DPP6: variants seen among roughly 807,000 people sequenced by gnomAD.
DPP6 encodes the protein dipeptidyl peptidase like 6.
In DPP6, 69 loss-of-function variants were observed where a neutral mutation model predicts 122.6. The observed-to-expected ratio is 0.56, with a 90% CI of 0.46 to 0.69. The LOEUF is 0.69. Ranked by LOEUF, DPP6 falls within the 30% of genes least tolerant of loss-of-function variation. The probability of loss-of-function intolerance (pLI) is 0.00; values close to 1 mark genes in which losing one functional copy is unlikely to be tolerated. For synonymous variants in DPP6, 418 were observed against 433.1 expected (o/e 0.97, Z 0.43); for missense variants, 928 against 1,116.9 (o/e 0.83, Z 2.41).
intron 1 of DPP6, among the ~76,000 whole-genome samples, chr7:154,340,973 AGTTTTTTC>A (rs1809874630): frequency 6.6e-6 from 1 of 152,138 alleles, no homozygotes; most frequent in Non-Finnish European, 1.5e-5. Context: ...TAGTATTTGT[AGTTTTTTC>A]AGCATATATA....
intron 16 of DPP6, among the ~76,000 whole-genome samples, chr7:154,832,577 C>T (rs1800715831): frequency 6.6e-6 from 1 of 152,304 alleles, no homozygotes; most frequent in East Asian, 1.9e-4. Flanking sequence ...CGAGGGCACA[C>T]AGCTGATCAG....
intron 1 of DPP6, among the ~76,000 whole-genome samples, chr7:154,441,559 G>A (rs908593962): frequency 4.6e-5 from 7 of 152,144 alleles, no homozygotes; most frequent in African/African-American, 1.7e-4. Flanking sequence ...CACAAAGTCT[G>A]ATAAAGGTAG....
chr7:154,540,975 A>T (rs759052752), intron 4 of DPP6, among the ~76,000 whole-genome samples: 6 of 152,196 alleles, frequency 3.9e-5, no homozygotes, highest in Non-Finnish European at 8.8e-5. Flanking sequence ...AATCCTGTTT[A>T]AAAAAAGCTC....
chr7:154,335,409 C>T (rs1353989666), intron 1 of DPP6, among the ~76,000 whole-genome samples: 1 of 152,186 alleles, frequency 6.6e-6, no homozygotes, highest in African/African-American at 2.4e-5. Flanking sequence ...TGATATTTTG[C>T]CACTTATGGG....
intron 1 of DPP6, among the ~76,000 whole-genome samples, chr7:153,942,980 G>A (rs987948828): frequency 1.3e-5 from 2 of 152,108 alleles, no homozygotes; most frequent in African/African-American, 4.8e-5. Flanking sequence ...GATGCTAATG[G>A]TCAGCTGGCC....
At chr7:154,830,898 G>T (rs1398373746) in intron 16 of DPP6, among the ~76,000 whole-genome samples, 1 of 152,182 alleles carries the variant, frequency 6.6e-6, no homozygotes, top group Non-Finnish European at 1.5e-5. Context: ...AGATCCCTTT[G>T]GTAGATGAAC....
chr7:154,730,809 C>G (rs1180834452), intron 8 of DPP6, among the ~76,000 whole-genome samples: 1 of 152,232 alleles, frequency 6.6e-6, no homozygotes, highest in Non-Finnish European at 1.5e-5. Context: ...CCTCAAAAAT[C>G]CATAACCAGG....
rs533309771 is a variant in DPP6 at position 154,206,231 on chromosome 7, A to G, written c.243+153168A>G. Among the ~76,000 whole-genome samples, 3 of 152,238 alleles carry G rather than the reference A, an allele frequency of 2.0e-5. 1 individual carries two copies. Among genetic ancestry groups the G allele is most frequent in the Non-Finnish European group, 4.4e-5 (3 of 68,004 alleles). ...TCAAAGAATATCCCAGCCTCTATCA[A>G]CCAGCACCGTGGCTCTCATCAAGAT... On this transcript the variant is annotated intron_variant, in intron 1 of 25. Coordinates refer to ENST00000377770, the MANE Select transcript of DPP6 (RefSeq NM_130797.4).
intron 1 of DPP6, among the ~76,000 whole-genome samples, chr7:154,219,807 G>C (rs755641177): frequency 6.6e-6 from 1 of 152,054 alleles, no homozygotes; most frequent in South Asian, 2.1e-4. Flanking sequence ...GGCTGGTCTC[G>C]AACTCCTGAC....
intron 19 of DPP6, 95 bp downstream of exon 19, chr7:154,872,788 C>G: frequency 1.3e-6 from 2 of 1,541,372 alleles, no homozygotes; most frequent in Non-Finnish European, 1.8e-6. Flanking sequence ...AAAAGATAAG[C>G]AGGAGAAATG....
intron 1 of DPP6, among the ~76,000 whole-genome samples, chr7:154,000,240 A>C (rs2129045470): frequency 6.6e-6 from 1 of 152,178 alleles, no homozygotes; most frequent in Non-Finnish European, 1.5e-5. Context: ...TTTTCATTTC[A>C]AATCAAGATG....
intron 3 of DPP6, among the ~76,000 whole-genome samples, chr7:154,524,466 G>A (rs944033034): frequency 3.9e-5 from 6 of 152,134 alleles, no homozygotes; most frequent in Admixed American, 6.5e-5. Flanking sequence ...TGGTGGTTAG[G>A]GAACTCCACG....
chr7:153,989,803 G>A (rs1323925063), intron 1 of DPP6, among the ~76,000 whole-genome samples: 2 of 151,954 alleles, frequency 1.3e-5, no homozygotes, highest in African/African-American at 2.4e-5. Flanking sequence ...GTGGACCACT[G>A]TTTTAGGCCA....
chr7:154,422,739 G>A (rs2151231896), intron 1 of DPP6, among the ~76,000 whole-genome samples: 1 of 150,878 alleles, frequency 6.6e-6, no homozygotes, highest in African/African-American at 2.4e-5. Flanking sequence ...AAGGTTGAGT[G>A]GATGGGTGGG....
At chr7:154,867,870 AAAT>A (rs1196960194) in intron 17 of DPP6, 122 bp from the exon 18 acceptor site, 39 of 1,285,042 alleles carry the variant, frequency 3.0e-5, no homozygotes, top group Non-Finnish European at 3.6e-5. Flanking sequence ...TGTACACTAG[AAAT>A]AATAATAATC....
At chr7:154,004,280 G>A (rs770864456) in intron 1 of DPP6, among the ~76,000 whole-genome samples, 14 of 152,324 alleles carry the variant, frequency 9.2e-5, no homozygotes, top group African/African-American at 3.4e-4. Flanking sequence ...GCTACTGGAG[G>A]AGCAGCACCT....
At chr7:154,337,285 C>A (rs1033248908) in intron 1 of DPP6, among the ~76,000 whole-genome samples, 1 of 151,996 alleles carries the variant, frequency 6.6e-6, no homozygotes, top group African/African-American at 2.4e-5. Flanking sequence ...AGGGTGGTAC[C>A]CACACACATC....
intron 1 of DPP6, among the ~76,000 whole-genome samples, chr7:154,429,893 T>G (rs570976128): frequency 1.3e-5 from 2 of 152,332 alleles, no homozygotes; most frequent in East Asian, 3.9e-4. Flanking sequence ...ATTCCAGTCC[T>G]GGCATTTATT....
chr7:154,501,374 G>C (rs933035376), intron 3 of DPP6, among the ~76,000 whole-genome samples: 2 of 152,198 alleles, frequency 1.3e-5, no homozygotes, highest in Non-Finnish European at 2.9e-5. Flanking sequence ...CCATGTCAGA[G>C]TCATCACAGC....
Sources: allele counts gnomAD v4.1 joint callset (sites outside exome capture counted in the v4.1 genomes callset), GRCh38; gene constraint gnomAD v4.1.1; transcripts MANE v1.5; gene names NCBI Gene and HGNC (gene_info 2026-07-23, HGNC 2026-07-21).